Variants in CADPS observed in about 807,000 individuals in gnomAD.
The protein encoded by CADPS is calcium dependent secretion activator, also known as calcium-dependent secretion activator 1.
A neutral mutation model predicts 167.3 loss-of-function variants in CADPS; 57 were observed. The observed-to-expected ratio is 0.34, with a 90% CI of 0.28 to 0.42. The LOEUF (loss-of-function observed/expected upper bound fraction) is 0.42. Among genes scored for constraint, CADPS ranks in the 20% least tolerant of loss-of-function variants. The pLI, the probability that CADPS is intolerant of heterozygous loss-of-function variation, is 1.00. For synonymous variants in CADPS, 676 were observed against 635.3 expected, an observed-to-expected ratio of 1.06 and a Z score of -0.96; for missense variants, 1,414 against 1,738.1, an observed-to-expected ratio of 0.81 and a Z score of 3.32.
intron 9 of CADPS, among the ~76,000 whole-genome samples, chr3:62,560,555 T>C (rs1301794465): frequency 1.3e-5 from 2 of 152,194 alleles, no homozygotes; most frequent in African/African-American, 4.8e-5. Flanking sequence ...CATCTGAAAG[T>C]GCACTTTGCA....
chr3:62,402,737 A>G (rs1280791865), intron 29 of CADPS, among the ~76,000 whole-genome samples: 1 of 152,266 alleles, frequency 6.6e-6, no homozygotes, highest in Non-Finnish European at 1.5e-5. Context: ...ATTAAACTAT[A>G]AATGAAATTG....
intron 9 of CADPS, among the ~76,000 whole-genome samples, chr3:62,564,041 A>G (rs2079653418): frequency 6.6e-6 from 1 of 151,974 alleles, no homozygotes; most frequent in Non-Finnish European, 1.5e-5. Flanking sequence ...TCGCTCTGTC[A>G]CCCAGGCTGG....
At chr3:62,708,646 A>C (rs6774997) in intron 3 of CADPS, among the ~76,000 whole-genome samples, 10,605 of 151,994 alleles carry the variant, frequency 0.07, 441 homozygotes, top group Middle Eastern at 0.096. Context: ...GGAATGTAGA[A>C]ATCTGTAGGA....
At position 62,772,074 on chromosome 3, in the gene CADPS, C is replaced by T. The variant is rs967820389; in HGVS notation, c.442-6090G>A. 1.6e-4 allele frequency among the ~76,000 whole-genome samples: 24 copies of T among 151,930 alleles called. No individual in the cohort carries two copies. The South Asian group carries it at 3.3e-3, about 21-fold the overall frequency. On this transcript the variant is annotated intron_variant, in intron 1 of 29. Coordinates refer to ENST00000383710, the MANE Select transcript of CADPS (RefSeq NM_003716.4). ...TGTGAAAACTAGGTGGGATAATATA[C>T]GTATAATATATATATTTATAATACA...
chr3:62,598,367 C>CT (rs960582942), intron 6 of CADPS, among the ~76,000 whole-genome samples: 14 of 152,026 alleles, frequency 9.2e-5, no homozygotes, highest in East Asian at 3.9e-4. Context: ...GAATTCTGGC[C>CT]TTTTTTTGTC....
intron 1 of CADPS, among the ~76,000 whole-genome samples, chr3:62,812,678 C>T (rs1180492193): frequency 1.3e-5 from 2 of 152,168 alleles, no homozygotes; most frequent in African/African-American, 4.8e-5. Context: ...TTAAATGGTT[C>T]AAAATGCATC....
chr3:62,855,950 T>C (rs1383317807), intron 1 of CADPS, among the ~76,000 whole-genome samples: 1 of 152,206 alleles, frequency 6.6e-6, no homozygotes, highest in Non-Finnish European at 1.5e-5. Flanking sequence ...TAGACAGAAT[T>C]GAATCTTCCC....
chr3:62,756,815 C>T (rs1444858452), intron 2 of CADPS, among the ~76,000 whole-genome samples: 13 of 152,016 alleles, frequency 8.6e-5, no homozygotes. Context: ...AAGGAGGAGT[C>T]AGTGTGGCTG....
chr3:62,708,819 A>AT (rs1488111825), intron 3 of CADPS, among the ~76,000 whole-genome samples: 2 of 152,028 alleles, frequency 1.3e-5, no homozygotes. Flanking sequence ...GCTGAACAGG[A>AT]TAAAGAAAGG....
chr3:62,439,688 G>C (rs547672735), intron 27 of CADPS: 3 of 152,172 alleles, frequency 2.0e-5, no homozygotes, highest in Non-Finnish European at 2.9e-5. Flanking sequence ...TGGGGGACTT[G>C]AGAAACTTAT....
intron 13 of CADPS, among the ~76,000 whole-genome samples, chr3:62,528,313 G>A (rs1010512349): frequency 2.0e-5 from 3 of 152,102 alleles, no homozygotes; most frequent in South Asian, 2.1e-4. Flanking sequence ...GAATTTATGC[G>A]AGCCTCAAGC....
rs2061619932 is a variant in CADPS, at chr3:62,478,776, G to C, written c.3174-360C>G. Among the ~76,000 whole-genome samples, 1 of 152,184 alleles carries C rather than the reference G, an allele frequency of 6.6e-6. No individual in the cohort carries two copies. Among genetic ancestry groups the C allele is most frequent in the Non-Finnish European group, 1.5e-5 (1 of 68,028 alleles). On this transcript the variant is annotated intron_variant, in intron 22 of 29. Coordinates refer to ENST00000383710, the MANE Select transcript of CADPS (RefSeq NM_003716.4). This position sits in a 1 kb window ranked among gnomAD's most constrained non-coding sequence, Gnocchi z 5.7. ...ACCAGGGGGAGAAATAGTCTCAACA[G>C]ATAATAACTACATGGCAACATGCAG...
At chr3:62,826,995 G>A (rs1011662561) in intron 1 of CADPS, among the ~76,000 whole-genome samples, 3 of 152,122 alleles carry the variant, frequency 2.0e-5, no homozygotes, top group Non-Finnish European at 4.4e-5. Context: ...CTGCTGCTGG[G>A]AGCCAAGAAT....
rs561139038 is a variant in CADPS at position 62,701,011 on chromosome 3, A to T, written c.889-38617T>A. On this transcript the variant is annotated intron_variant, in intron 3 of 29. Transcript: ENST00000383710. ...TCTTCACAAGATGGTGGAAAGAGCA[A>T]GAGAGCTCTCTGCTCTCTGGGGTCT... Among the ~76,000 whole-genome samples, 8 of 152,180 alleles carry T rather than the reference A, an allele frequency of 5.3e-5. No individual in the cohort carries two copies. The East Asian group carries it at 1.6e-3, about 30-fold the overall frequency.
In CADPS at chr3:62,433,801, T is replaced by C. The variant is rs1428055677; in HGVS notation, c.3777+4303A>G. Among the ~76,000 whole-genome samples the C allele has an allele frequency of 6.6e-6, 1 of 152,226 alleles. No individual in the cohort carries two copies. Among genetic ancestry groups the C allele is most frequent in the African/African-American group, 2.4e-5 (1 of 41,460 alleles). Reference sequence around the variant, plus strand: ...AAGAAAATTAATTTTTGTTTAGACCTTGAAATCTTAGGTGCGTCTCTTGAT... The same window carrying C: ...AAGAAAATTAATTTTTGTTTAGACCCTGAAATCTTAGGTGCGTCTCTTGAT... On this transcript the variant is annotated intron_variant, in intron 28 of 29. Coordinates refer to ENST00000383710, the MANE Select transcript of CADPS (RefSeq NM_003716.4). The surrounding 1 kb of genome is among the most constrained non-coding windows in gnomAD (Gnocchi z 4.7).
intron 3 of CADPS, among the ~76,000 whole-genome samples, chr3:62,667,800 G>C (rs747529130): frequency 3.5e-4 from 53 of 152,034 alleles, no homozygotes; most frequent in Middle Eastern, 3.4e-3. Flanking sequence ...TTTTGGGGGT[G>C]GGGGGAGACA....
At chr3:62,407,477 C>T (rs1476420709) in intron 28 of CADPS, among the ~76,000 whole-genome samples, 4 of 152,044 alleles carry the variant, frequency 2.6e-5, no homozygotes, top group Non-Finnish European at 5.9e-5. Flanking sequence ...TTTCTCAAAC[C>T]CTGTGGGGTG....
intron 3 of CADPS, among the ~76,000 whole-genome samples, chr3:62,673,249 G>A (rs937484714): frequency 6.6e-6 from 1 of 152,196 alleles, no homozygotes; most frequent in Non-Finnish European, 1.5e-5. Flanking sequence ...ATGTTTTGAG[G>A]AGTTAAGGTG....
At chr3:62,785,777 G>A (rs751163794) in intron 1 of CADPS, among the ~76,000 whole-genome samples, 2 of 152,052 alleles carry the variant, frequency 1.3e-5, no homozygotes, top group Admixed American at 1.3e-4. Context: ...TTGATATATG[G>A]ATCTTTATCA....
Sources: gnomAD v4.1 joint callset for allele counts (sites outside exome capture counted in the v4.1 genomes callset) on GRCh38, gnomAD v4.1.1 for gene constraint, Gnocchi (gnomAD v3.1) non-coding constraint, MANE v1.5 for transcripts, NCBI Gene and HGNC (gene_info 2026-07-23, HGNC 2026-07-21) for gene names.